ZNF628: variants seen among roughly 807,000 people sequenced by gnomAD.
The protein encoded by ZNF628 is zinc finger protein 628, also known as zinc finger protein Zec.
A neutral mutation model predicts 2.5 loss-of-function variants in ZNF628; 3 were observed. The ratio of observed to expected loss-of-function variants is 1.19; its 90% CI spans 0.54 to 3.07. ZNF628 has a LOEUF of 3.07. ZNF628 is among the 30% of genes most tolerant of loss of function. ZNF628 has a pLI of 0.03. For missense variants in ZNF628, 1,610 were observed against 1,517.1 expected, an observed-to-expected ratio of 1.06 and a Z score of -1.02; for synonymous variants, 861 against 717.1, an observed-to-expected ratio of 1.20 and a Z score of -3.21.
intron 2 of ZNF628, among the ~76,000 whole-genome samples, chr19:55,480,680 C>CA (rs1370177741): frequency 6.6e-6 from 1 of 152,210 alleles, no homozygotes; most frequent in Non-Finnish European, 1.5e-5. Context: ...CTCAGCCTCT[C>CA]AAAGTGCTGG....
rs1016984149 is a variant in ZNF628 at position 55,481,574 on chromosome 19, G to A, written c.381G>A (p.Leu127=). The A allele has an allele frequency of 1.4e-5, 23 of 1,613,364 alleles. No homozygotes were observed. The Middle Eastern group carries it at 4.9e-4, about 35-fold the overall frequency. ...LRAFICGQCG[L]AFKWSSHYQY... ...CCTTCATCTGCGGCCAGTGCGGCCTGGCCTTCAAGTGGTCGTCCCACTACC... is the reference window on the plus strand; with the variant it reads ...CCTTCATCTGCGGCCAGTGCGGCCTAGCCTTCAAGTGGTCGTCCCACTACC... The change falls in exon 3 of 3, where the codon CTG becomes CTA. Residue 127 remains leucine (L), a synonymous_variant. Coordinates refer to ENST00000598519, the MANE Select transcript of ZNF628 (RefSeq NM_033113.3).
At chr19:55,476,934 C>T (rs1279497427) in intron 1 of ZNF628, 127 bp downstream of exon 1, 1 of 151,986 alleles carries the variant, frequency 6.6e-6, no homozygotes, top group African/African-American at 2.4e-5. Context: ...ATTTCACCTC[C>T]GACATTTGCC....
Position 55,483,201 on chromosome 19 carries a change from C to A in ZNF628, c.2008C>A (p.Arg670=). The A allele has an allele frequency of 4.5e-6, 7 of 1,543,660 alleles. No individual in the cohort carries two copies. The highest frequency in any genetic ancestry group is 6.1e-6 in the Non-Finnish European group (7 of 1,151,576). ...GCCCCCTGCTCCACTGGCTGCTGCGCGGGCCCCGCCAGCCACCCAAGATGT... is the reference window on the plus strand; with the variant it reads ...GCCCCCTGCTCCACTGGCTGCTGCGAGGGCCCCGCCAGCCACCCAAGATGT... The part of the protein sequence containing the change: ...PQPPAPLAAA[R]APPATQDVHV... Residue 670 remains arginine (R), a synonymous_variant, in exon 3 of 3, where the codon CGG becomes AGG. Transcript: ENST00000598519.
intron 2 of ZNF628, 131 bp downstream of exon 2, chr19:55,480,048 T>C (rs1179710769): frequency 1.5e-5 from 6 of 395,794 alleles, no homozygotes; most frequent in Non-Finnish European, 2.7e-5. Context: ...GTGCCTGTCA[T>C]GGCCACCTGC....
rs1224806996 is a variant in ZNF628 at position 55,481,216 on chromosome 19, C to T, written c.23C>T (p.Ser8Phe). 6.4e-7 allele frequency: 1 copy of T among 1,554,768 alleles called. No homozygotes were observed. Among genetic ancestry groups the T allele is most frequent in the Admixed American group, 1.9e-5 (1 of 51,926 alleles). The change falls in exon 3 of 3, where the codon TCC becomes TTC. Residue 8 changes from serine to phenylalanine, a missense_variant. Ser to Phe is a radical substitution (Grantham distance 155). Around this residue, in one of 5 missense-constraint regions of ZNF628, gnomAD observed 60 missense variants for 46.8 expected, o/e 1.28. Coordinates refer to ENST00000598519, the MANE Select transcript of ZNF628 (RefSeq NM_033113.3). ...CCTCCCCCAGGTGTGATGGTCGGCT[C>T]CCACGCGGACATGGCGCCGGCCTCT... MSGVMVG[S>F]HADMAPASTA...
In ZNF628 at chr19:55,484,132, C is replaced by T. The variant is rs1301915581; in HGVS notation, c.2939C>T (p.Ala980Val). Residue 980 changes from alanine to valine, a missense_variant, in exon 3 of 3, where the codon GCC becomes GTC. Physicochemically the swap from Ala to Val is moderately conservative, Grantham distance 64. Transcript: ENST00000598519. Reference protein sequence around the residue: ...PGQKLLIIRSAPATELLDSSN... With the variant: ...PGQKLLIIRSVPATELLDSSN... The stretch of plus-strand genomic sequence containing the variant: ...CAGAAACTCCTCATCATCCGCAGCG[C>T]CCCAGCCACTGAGCTGCTGGACAGC... The T allele has an allele frequency of 3.1e-6, 5 of 1,588,904 alleles. No individual in the cohort carries two copies. Among genetic ancestry groups the T allele is most frequent in the Non-Finnish European group, 4.3e-6 (5 of 1,169,618 alleles).
In ZNF628 at chr19:55,484,463, T is replaced by A; in HGVS notation, c.*90T>A. 1 of 1,180,900 alleles carries A rather than the reference T, an allele frequency of 8.5e-7. No individual in the cohort carries two copies. Among genetic ancestry groups the A allele is most frequent in the Non-Finnish European group, 1.1e-6 (1 of 876,556 alleles). 73.2% of individuals were successfully genotyped at this position (1,180,900 alleles called of 1,614,324 possible). ...GCAGGGTGCCGCAGGCTGGGCTTGC[T>A]AATAAAGACCCGAGTCTCCCCGCCT... On this transcript the variant is annotated 3_prime_UTR_variant, in exon 3 of 3. Coordinates refer to ENST00000598519, the MANE Select transcript of ZNF628 (RefSeq NM_033113.3).
At chr19:55,477,031 C>T (rs1215942064) in intron 1 of ZNF628, among the ~76,000 whole-genome samples, 1 of 152,240 alleles carries the variant, frequency 6.6e-6, no homozygotes, top group East Asian at 1.9e-4. Context: ...AGCTTTCTGA[C>T]TTAAAACAAT....
Position 55,483,115 on chromosome 19 carries a change from T to A in ZNF628, c.1922T>A (p.Leu641Gln), listed in dbSNP as rs1986785678. The A allele has an allele frequency of 6.3e-7, 1 of 1,599,814 alleles. No homozygotes were observed. Among genetic ancestry groups the A allele is most frequent in the Non-Finnish European group, 8.5e-7 (1 of 1,177,648 alleles). ...ATGGCCGCCTATCTGCAGCGGCACC[T>A]GAGGACGCACGCCCCGGCCAACACG... ...FVMAAYLQRH[L>Q]RTHAPANTPP... is the part of the protein sequence containing the mutation. Residue 641 changes from leucine to glutamine, a missense_variant, in exon 3 of 3, where the codon CTG (leucine) becomes CAG (glutamine). Physicochemically the swap from Leu to Gln is moderately radical, Grantham distance 113. This residue lies in a region of ZNF628 where 712 missense variants were observed against 603.6 expected (regional missense o/e 1.18). Transcript: ENST00000598519.
Position 55,484,059 on chromosome 19 carries a change from A to C in ZNF628, c.2866A>C (p.Thr956Pro), listed in dbSNP as rs777475740. The C allele has an allele frequency of 6.3e-6, 10 of 1,593,852 alleles. No homozygotes were observed. The Admixed American group carries it at 6.9e-5, about 11-fold the overall frequency. Residue 956 changes from threonine to proline, a missense_variant, in exon 3 of 3, where the codon ACA becomes CCA. Transcript: ENST00000598519. ...QTRLCVQEVE[T>P]LPPGLTEPPA... ...TCGACTCTGCGTACAGGAGGTAGAA[A>C]CACTTCCTCCTGGGCTGACGGAGCC...
rs1568469557 is a variant in ZNF628, at chr19:55,484,096, G to A, written c.2903G>A (p.Gly968Asp). The A allele has an allele frequency of 6.3e-7, 1 of 1,592,226 alleles. No individual in the cohort carries two copies. The highest frequency in any genetic ancestry group is 8.5e-7 in the Non-Finnish European group (1 of 1,171,146). ...PPGLTEPPAT[G>D]PPGQKLLIIR... ...GGGCTGACGGAGCCGCCTGCCACCGGCCCACCCGGACAGAAACTCCTCATC... is the reference window on the plus strand; with the variant it reads ...GGGCTGACGGAGCCGCCTGCCACCGACCCACCCGGACAGAAACTCCTCATC... The change falls in exon 3 of 3, where the codon GGC (glycine) becomes GAC (aspartate). Residue 968 changes from glycine to aspartate, a missense_variant. Gly to Asp is a moderately conservative substitution (Grantham distance 94, BLOSUM62 -1). Coordinates refer to ENST00000598519, the MANE Select transcript of ZNF628 (RefSeq NM_033113.3).
Position 55,484,332 on chromosome 19 carries a change from G to A in ZNF628, c.3139G>A (p.Val1047Ile). The change falls in exon 3 of 3, where the codon GTC (valine) becomes ATC (isoleucine). Residue 1047 changes from valine to isoleucine, a missense_variant. Physicochemically the swap from Val to Ile is conservative, Grantham distance 29. Transcript: ENST00000598519. ...TPQGLPSIQI[V>I]QTLPAVQLVH... ...TCAGGGCCTGCCCTCCATCCAGATT[G>A]TCCAGACTCTACCCGCAGTCCAGCT... 6.8e-7 allele frequency: 1 copy of A among 1,474,030 alleles called. No individual in the cohort carries two copies. Among genetic ancestry groups the A allele is most frequent in the Non-Finnish European group, 9.0e-7 (1 of 1,109,392 alleles). The allele number at this position is 1,474,030 out of a possible 1,614,324, so 91.3% of individuals were successfully genotyped here. A position where few individuals can be genotyped will look rare whatever the true frequency, so the allele number is the denominator to read the frequency against.
At position 55,484,290 on chromosome 19, in the gene ZNF628, C is replaced by G; in HGVS notation, c.3097C>G (p.Pro1033Ala). The change falls in exon 3 of 3, where the codon CCT (proline) becomes GCT (alanine). Residue 1033 changes from proline to alanine, a missense_variant. Transcript: ENST00000598519. ...MVQVVPAGAG[P>A]GVMTPQGLPS... is the part of the protein sequence containing the mutation. ...GCAAGTGGTCCCCGCAGGAGCTGGG[C>G]CTGGTGTTATGACCCCTCAGGGCCT... 6.5e-7 allele frequency: 1 copy of G among 1,535,772 alleles called. No homozygotes were observed. Among genetic ancestry groups the G allele is most frequent in the South Asian group, 1.2e-5 (1 of 82,484 alleles).
In ZNF628 at chr19:55,482,798, G is replaced by A; in HGVS notation, c.1605G>A (p.Glu535=). 1 of 1,610,654 alleles carries A rather than the reference G, an allele frequency of 6.2e-7. No homozygotes were observed. Residue 535 remains glutamate (E), a synonymous_variant, in exon 3 of 3, where the codon GAG becomes GAA. Coordinates refer to ENST00000598519, the MANE Select transcript of ZNF628 (RefSeq NM_033113.3). The stretch of plus-strand genomic sequence containing the variant: ...ACCACCTGCGGCTGCACTCTGGCGA[G>A]CGGCCCTACGCCTGCGGGGAGTGTG... ...YQYHLRLHSG[E]RPYACGECGK... is the part of the protein sequence containing the mutation.
In ZNF628 at chr19:55,483,722, C is replaced by G; in HGVS notation, c.2529C>G (p.Val843=). 1 of 1,612,570 alleles carries G rather than the reference C, an allele frequency of 6.2e-7. No individual in the cohort carries two copies. Among genetic ancestry groups the G allele is most frequent in the Non-Finnish European group, 8.5e-7 (1 of 1,179,142 alleles). ...AGCCAGCGCAGGAGGTGACCACAGT[C>G]CAGCTCCAGCCAGCACAGGAAGTAA... ...QLQPAQEVTT[V]QLQPAQEVTT... The change falls in exon 3 of 3, where the codon GTC becomes GTG. Residue 843 remains valine (V), a synonymous_variant. Coordinates refer to ENST00000598519, the MANE Select transcript of ZNF628 (RefSeq NM_033113.3).
chr19:55,482,888 C>G lies in ZNF628; in HGVS notation c.1695C>G (p.Pro565=). 1.2e-6 allele frequency: 2 copies of G among 1,603,878 alleles called. No individual in the cohort carries two copies. Among genetic ancestry groups the G allele is most frequent in the Non-Finnish European group, 1.7e-6 (2 of 1,174,432 alleles). Residue 565 remains proline (P), a synonymous_variant, in exon 3 of 3, where the codon CCC becomes CCG. Transcript: ENST00000598519. Reference sequence around the variant, plus strand: ...GCCACGTGCACACTGGCGAGAGGCCCCACGCCTGCGGTGTCTGCGGCAAGA... The same window carrying G: ...GCCACGTGCACACTGGCGAGAGGCCGCACGCCTGCGGTGTCTGCGGCAAGA... ...RHRHVHTGER[P]HACGVCGKSF...
At chr19:55,480,256 T>A (rs1986665853) in intron 2 of ZNF628, among the ~76,000 whole-genome samples, 1 of 148,044 alleles carries the variant, frequency 6.8e-6, no homozygotes, top group Non-Finnish European at 1.5e-5. Flanking sequence ...TTCCTTTTTT[T>A]TTTTTTTGAG....
In ZNF628 at chr19:55,482,835, C is replaced by A; in HGVS notation, c.1642C>A (p.Arg548Ser). Reference protein sequence around the residue: ...YACGECGKAFRNTSCLRRHRH... With the variant: ...YACGECGKAFSNTSCLRRHRH... The stretch of plus-strand genomic sequence containing the variant: ...CTGCGGGGAGTGTGGCAAGGCCTTC[C>A]GCAACACGTCGTGCCTGCGTCGCCA... The change falls in exon 3 of 3, where the codon CGC (arginine) becomes AGC (serine). Residue 548 changes from arginine (R) to serine (S), a missense_variant. Transcript: ENST00000598519. 1 of 1,610,664 alleles carries A rather than the reference C, an allele frequency of 6.2e-7. No homozygotes were observed. Among genetic ancestry groups the A allele is most frequent in the Non-Finnish European group, 8.5e-7 (1 of 1,178,614 alleles).
In ZNF628 at chr19:55,483,823, C is replaced by T. The variant is rs1986824784; in HGVS notation, c.2630C>T (p.Ser877Phe). ...CCCGTGGCCGGCCAGCTCTCCAATTCCAGTGGGGGAGCTGTGGCTACTGAG... is the reference window on the plus strand; with the variant it reads ...CCCGTGGCCGGCCAGCTCTCCAATTTCAGTGGGGGAGCTGTGGCTACTGAG... ...LQPVAGQLSN[S>F]SGGAVATEAP... Residue 877 changes from serine to phenylalanine, a missense_variant, in exon 3 of 3, where the codon TCC becomes TTC. Physicochemically the swap from Ser to Phe is radical, Grantham distance 155. Transcript: ENST00000598519. 6.2e-7 allele frequency: 1 copy of T among 1,613,568 alleles called. No individual in the cohort carries two copies. The highest frequency in any genetic ancestry group is 8.5e-7 in the Non-Finnish European group (1 of 1,179,784).
Sources: allele counts gnomAD v4.1 joint callset (sites outside exome capture counted in the v4.1 genomes callset), GRCh38; gene constraint gnomAD v4.1.1; regional missense constraint gnomAD v4.1.1; transcripts MANE v1.5; gene names NCBI Gene and HGNC (gene_info 2026-07-23, HGNC 2026-07-21).